The following OCA2 variants were observed in gnomAD, a reference collection of about 807,000 sequenced individuals.
OCA2 encodes the protein OCA2 melanosomal transmembrane protein.
A neutral mutation model predicts 100.2 loss-of-function variants in OCA2; 77 were observed. That is an observed-to-expected ratio of 0.77 (90% CI 0.64 to 0.93). The LOEUF is 0.93. Among genes scored for constraint, OCA2 ranks in the 40% least tolerant of loss-of-function variants. The pLI is 0.00. For missense variants in OCA2, 1,062 were observed against 1,089.1 expected, an observed-to-expected ratio of 0.98 and a Z score of 0.35; for synonymous variants, 432 against 439.2, an observed-to-expected ratio of 0.98 and a Z score of 0.21.
rs555019592 is a variant in OCA2, at chr15:27,765,381, C to T, written c.2433-9909G>A. Among the ~76,000 whole-genome samples, 4 of 152,230 alleles carry T rather than the reference C, an allele frequency of 2.6e-5. No homozygotes were observed. The South Asian group carries it at 8.3e-4, about 32-fold the overall frequency. On this transcript the variant is annotated intron_variant, in intron 23 of 23. Transcript: ENST00000354638. Reference sequence around the variant, plus strand: ...TTTTACTGGGGGACTGAAGAAACTCCCCAGGCTTCCACAAACAAGTTTATC... The same window carrying T: ...TTTTACTGGGGGACTGAAGAAACTCTCCAGGCTTCCACAAACAAGTTTATC...
chr15:27,974,141 T>A (rs532929902), intron 14 of OCA2, among the ~76,000 whole-genome samples: 1 of 152,212 alleles, frequency 6.6e-6, no homozygotes, highest in Non-Finnish European at 1.5e-5. Flanking sequence ...ATAGTTTGAC[T>A]TCCTCTTTTC....
At chr15:27,947,452 C>A (rs1343667770) in intron 18 of OCA2, among the ~76,000 whole-genome samples, 2 of 152,174 alleles carry the variant, frequency 1.3e-5, no homozygotes, top group African/African-American at 4.8e-5. Flanking sequence ...CATTGTGCCA[C>A]CTCTTGCACA....
intron 23 of OCA2, among the ~76,000 whole-genome samples, chr15:27,766,424 C>T (rs1337973611): frequency 3.9e-5 from 6 of 152,130 alleles, no homozygotes; most frequent in African/African-American, 1.2e-4. Context: ...CCCAGACATT[C>T]GCTCCTTCTC....
the OCA2 span, among the ~76,000 whole-genome samples, chr15:27,719,679 ACTGT>A: frequency 1.3e-5 from 2 of 152,314 alleles, no homozygotes; most frequent in East Asian, 1.9e-4. Context: ...ACATATCCAC[ACTGT>A]CTTAGTCCAT....
At chr15:28,082,773 T>C (rs1211258415) in intron 1 of OCA2, among the ~76,000 whole-genome samples, 1 of 152,206 alleles carries the variant, frequency 6.6e-6, no homozygotes, top group Non-Finnish European at 1.5e-5. Flanking sequence ...TTTCTTTGGT[T>C]TTGTTTGATC....
At chr15:27,871,376 G>A in intron 20 of OCA2, 118 bp from the exon 21 acceptor site, 1 of 748,552 alleles carries the variant, frequency 1.3e-6, no homozygotes. Flanking sequence ...CCCATCACGA[G>A]ACCAAGGCAG....
intron 9 of OCA2, among the ~76,000 whole-genome samples, chr15:27,999,347 G>A (rs576019732): frequency 6.6e-6 from 1 of 152,238 alleles, no homozygotes; most frequent in Admixed American, 6.5e-5. Context: ...TGCCTTAACA[G>A]AATGAAGGAT....
chr15:28,022,604 G>A (rs2042629490), intron 5 of OCA2, 31 bp from the exon 6 acceptor site: 1 of 1,522,138 alleles, frequency 6.6e-7, no homozygotes. Flanking sequence ...GAATGACAGA[G>A]GTGTGGTATG....
At chr15:28,075,198 C>T (rs1010318087) in intron 2 of OCA2, among the ~76,000 whole-genome samples, 9 of 152,044 alleles carry the variant, frequency 5.9e-5, no homozygotes, top group Non-Finnish European at 1.2e-4. Flanking sequence ...AATTTCTGCT[C>T]TCCAAAAGAA....
chr15:27,722,648 T>TC, the OCA2 span, among the ~76,000 whole-genome samples: 36 of 140,368 alleles, frequency 2.6e-4, no homozygotes, highest in Non-Finnish European at 3.2e-4. Flanking sequence ...CTTCCTTCCT[T>TC]CTTTTCTCTC....
rs2035851185 is a variant in OCA2 at position 27,853,760 on chromosome 15, TG to T, written c.2245-2286del. Among the ~76,000 whole-genome samples, 3 of 151,968 alleles carry T rather than the reference TG, an allele frequency of 2.0e-5. No individual in the cohort carries two copies. The South Asian group carries it at 6.2e-4, about 32-fold the overall frequency. On this transcript the variant is annotated intron_variant, in intron 21 of 23. Coordinates refer to ENST00000354638, the MANE Select transcript of OCA2 (RefSeq NM_000275.3). ...CCACAGGGTGTGAAGGAGAGACCCC[TG>T]GGCCCGCCATCCCGGGCAGTTGCGT...
intron 19 of OCA2, among the ~76,000 whole-genome samples, chr15:27,918,579 T>C (rs2038751665): frequency 6.6e-6 from 1 of 152,232 alleles, no homozygotes; most frequent in Non-Finnish European, 1.5e-5. Context: ...GTTGGTTTTG[T>C]TGACATTAGT....
intron 18 of OCA2, among the ~76,000 whole-genome samples, chr15:27,937,396 C>G (rs917495540): frequency 2.6e-5 from 4 of 152,276 alleles, no homozygotes; most frequent in Non-Finnish European, 2.9e-5. Context: ...TGCAAATGTA[C>G]ATATTTTTGT....
At chr15:28,079,564 G>A (rs1449250238) in intron 2 of OCA2, among the ~76,000 whole-genome samples, 2 of 152,012 alleles carry the variant, frequency 1.3e-5, no homozygotes, top group Non-Finnish European at 1.5e-5. Flanking sequence ...GGGTGGGTTG[G>A]GCCAACACAC....
intron 1 of OCA2, among the ~76,000 whole-genome samples, chr15:28,097,660 C>G (rs1023860005): frequency 6.6e-6 from 1 of 152,200 alleles, no homozygotes; most frequent in African/African-American, 2.4e-5. Flanking sequence ...ACCACTGTGT[C>G]CATCTACCTC....
At chr15:28,038,957 A>G (rs891921040) in intron 2 of OCA2, among the ~76,000 whole-genome samples, 17 of 152,256 alleles carry the variant, frequency 1.1e-4, no homozygotes, top group African/African-American at 4.1e-4. Context: ...AAAGACATAA[A>G]TAGGTTGAAA....
At chr15:27,768,419 T>C (rs1205723012) in intron 23 of OCA2, among the ~76,000 whole-genome samples, 4 of 152,188 alleles carry the variant, frequency 2.6e-5, no homozygotes, top group Non-Finnish European at 5.9e-5. Context: ...TTAAAGACAC[T>C]GTGTTCCCGA....
At chr15:28,023,472 C>A (rs2042655959) in intron 5 of OCA2, among the ~76,000 whole-genome samples, 1 of 152,188 alleles carries the variant, frequency 6.6e-6, no homozygotes, top group African/African-American at 2.4e-5. Context: ...AGCCACAACA[C>A]ACATGCCACG....
chr15:27,984,655 G>T (rs2041285693), intron 13 of OCA2, among the ~76,000 whole-genome samples: 7 of 152,152 alleles, frequency 4.6e-5, no homozygotes, highest in Admixed American at 4.6e-4. Flanking sequence ...CCGCCTCCCG[G>T]GTTCAAGGGA....
Sources: allele counts gnomAD v4.1 joint callset (sites outside exome capture counted in the v4.1 genomes callset), GRCh38; gene constraint gnomAD v4.1.1; transcripts MANE v1.5; gene names NCBI Gene and HGNC (gene_info 2026-07-23, HGNC 2026-07-21).